Variants in TNFSF11 observed in about 807,000 individuals in gnomAD.
TNFSF11 encodes the protein TNF superfamily member 11.
In TNFSF11, 12 loss-of-function variants were observed where a neutral mutation model predicts 32.2. The ratio of observed to expected loss-of-function variants is 0.37; its 90% CI spans 0.24 to 0.60. The LOEUF (loss-of-function observed/expected upper bound fraction) is 0.60. TNFSF11 is among the 20% of genes least tolerant of loss of function. The pLI is 0.66. For missense variants in TNFSF11, 345 were observed against 398.0 expected (o/e 0.87, Z 1.13); for synonymous variants, 172 against 152.1 (o/e 1.13, Z -0.96).
intron 2 of TNFSF11, among the ~76,000 whole-genome samples, chr13:42,569,097 G>A (rs879939658): frequency 4.6e-5 from 7 of 152,126 alleles, no homozygotes; most frequent in Admixed American, 2.0e-4. Flanking sequence ...CCTCCGCCAC[G>A]AAGGAATCCA....
At chr13:42,602,315 A>G (rs939789289) in intron 4 of TNFSF11, among the ~76,000 whole-genome samples, 1 of 152,226 alleles carries the variant, frequency 6.6e-6, no homozygotes, top group Non-Finnish European at 1.5e-5. Flanking sequence ...CGGCCATAGT[A>G]AGCACTTGGG....
In TNFSF11 at chr13:42,574,210, C is replaced by T. The variant is rs199818393; in HGVS notation, c.-94C>T. The T allele has an allele frequency of 3.7e-3, 5,513 of 1,489,058 alleles. 20 individuals are homozygous for T. The highest frequency in any genetic ancestry group is 5.0e-3 in the Middle Eastern group (21 of 4,216). The allele number at this position is 1,489,058 out of a possible 1,614,324, so 92.2% of individuals were successfully genotyped here. A position where few individuals can be genotyped will look rare whatever the true frequency, so the allele number is the denominator to read the frequency against. On this transcript the variant is annotated 5_prime_UTR_variant, in exon 1 of 5. Coordinates refer to ENST00000398795, the MANE Select transcript of TNFSF11 (RefSeq NM_003701.4). ...CGGGCTCCAAGTCGGCGCCCCACGT[C>T]GAGGCTCCGCCGCAGCCTCCGGAGT...
At position 42,607,039 on chromosome 13, in the gene TNFSF11, A is replaced by C. The variant is rs1293851977; in HGVS notation, c.*121A>C. ...AGAGGCATGGCCCCAACGGTACACG[A>C]CTCAGTATCCATGCTCTTGACCTTG... On this transcript the variant is annotated 3_prime_UTR_variant, in exon 5 of 5. Transcript: ENST00000398795. 6.4e-6 allele frequency: 8 copies of C among 1,252,236 alleles called. No homozygotes were observed. The highest frequency in any genetic ancestry group is 9.1e-6 in the Non-Finnish European group (8 of 879,490). 77.6% of individuals were successfully genotyped at this position (1,252,236 alleles called of 1,614,324 possible). A position where few individuals can be genotyped will look rare whatever the true frequency, so the allele number is the denominator to read the frequency against.
At chr13:42,597,336 T>A (rs1417713043) in intron 2 of TNFSF11, among the ~76,000 whole-genome samples, 6 of 99,918 alleles carry the variant, frequency 6.0e-5, no homozygotes, top group Non-Finnish European at 7.7e-5. Context: ...TGAAGCCTTT[T>A]GTTCTTTTTT....
chr13:42,585,329 A>AAT (rs1487673113), intron 2 of TNFSF11, among the ~76,000 whole-genome samples: 2 of 152,214 alleles, frequency 1.3e-5, no homozygotes, highest in Non-Finnish European at 2.9e-5. Flanking sequence ...TTGGGAGATC[A>AAT]ACCCCTCCAG....
At chr13:42,602,829 A>G (rs1869250895) in intron 4 of TNFSF11, among the ~76,000 whole-genome samples, 1 of 152,228 alleles carries the variant, frequency 6.6e-6, no homozygotes, top group Non-Finnish European at 1.5e-5. Flanking sequence ...TAAATGGCAT[A>G]TGATAAATAT....
chr13:42,602,214 T>G (rs1306517787), intron 4 of TNFSF11, among the ~76,000 whole-genome samples: 1 of 152,184 alleles, frequency 6.6e-6, no homozygotes, highest in African/African-American at 2.4e-5. Flanking sequence ...AGCTTCATCA[T>G]GTCTAAAATG....
intron 1 of TNFSF11, among the ~76,000 whole-genome samples, chr13:42,576,722 G>A (rs1274298797): frequency 1.3e-5 from 2 of 152,146 alleles, no homozygotes; most frequent in Non-Finnish European, 2.9e-5. Context: ...TGGATATTGT[G>A]TCTACAATTG....
intron 2 of TNFSF11, among the ~76,000 whole-genome samples, chr13:42,568,506 A>G (rs1012712981): frequency 6.6e-6 from 1 of 152,276 alleles, no homozygotes; most frequent in South Asian, 2.1e-4. Context: ...TTAATTTGTC[A>G]TCACATACTA....
intron 2 of TNFSF11, among the ~76,000 whole-genome samples, chr13:42,599,349 C>CTATCTATCATCTATCTATCTATCTATCT (rs11385072): frequency 1.8e-5 from 2 of 112,186 alleles, no homozygotes; most frequent in African/African-American, 3.5e-5. Flanking sequence ...ATCTATCTAT[C>CTATCTATCATCTATCTATCTATCTATCT]ATCTATCTAT....
At chr13:42,574,009 A>C, upstream of TNFSF11, 1 of 469,320 alleles carries the variant, frequency 2.1e-6, no homozygotes. Context: ...CTTCAGTGAC[A>C]GAGATTGAGA....
chr13:42,590,379 G>A (rs1421928439), intron 2 of TNFSF11, among the ~76,000 whole-genome samples: 4 of 152,204 alleles, frequency 2.6e-5, no homozygotes, highest in Middle Eastern at 3.2e-3. Flanking sequence ...TCTTTGGAGC[G>A]TGAACACGTT....
intron 2 of TNFSF11, among the ~76,000 whole-genome samples, chr13:42,591,983 TTCC>T (rs1868506121): frequency 6.6e-6 from 1 of 152,190 alleles, no homozygotes; most frequent in Non-Finnish European, 1.5e-5. Context: ...CAGAGCCTCC[TTCC>T]AGGTGATGAG....
At chr13:42,604,364 G>T (rs1594482345) in intron 4 of TNFSF11, among the ~76,000 whole-genome samples, 1 of 152,184 alleles carries the variant, frequency 6.6e-6, no homozygotes, top group Non-Finnish European at 1.5e-5. Context: ...TTTAATCTGG[G>T]ATGACCTGAA....
chr13:42,590,637 A>G (rs759502115), intron 2 of TNFSF11, among the ~76,000 whole-genome samples: 1 of 152,232 alleles, frequency 6.6e-6, no homozygotes, highest in Non-Finnish European at 1.5e-5. Context: ...AAATAGCACA[A>G]TTAGCCCAAG....
chr13:42,607,760 A>G lies in TNFSF11; in HGVS notation c.*842A>G, dbSNP rs1286800698. The G allele has an allele frequency of 6.5e-6, 1 of 152,782 alleles. No individual in the cohort carries two copies. Among genetic ancestry groups the G allele is most frequent in the African/African-American group, 2.4e-5 (1 of 41,464 alleles). The allele number at this position is 152,782 out of a possible 1,614,324, so 9.5% of individuals were successfully genotyped here. On this transcript the variant is annotated 3_prime_UTR_variant, in exon 5 of 5. Transcript: ENST00000398795. ...GAAACTAATTGACTTTAGAAAGCTGACATTGCCAAAAAGGATACATAATGG... is the reference window on the plus strand; with the variant it reads ...GAAACTAATTGACTTTAGAAAGCTGGCATTGCCAAAAAGGATACATAATGG...
In TNFSF11 at chr13:42,581,108, A is replaced by C; in HGVS notation, c.220-18A>C. 6.2e-7 allele frequency: 1 copy of C among 1,613,868 alleles called. No homozygotes were observed. The highest frequency in any genetic ancestry group is 8.5e-7 in the Non-Finnish European group (1 of 1,179,786). ...TAGTGATAAGCACTCTAACGTCCTT[A>C]CTGTTTCTCCTCCTCAGATGGATCC... On this transcript the variant is annotated intron_variant, in intron 1 of 4. Transcript: ENST00000398795.
At chr13:42,577,216 T>A (rs1351862219) in intron 1 of TNFSF11, among the ~76,000 whole-genome samples, 1 of 152,224 alleles carries the variant, frequency 6.6e-6, no homozygotes, top group Non-Finnish European at 1.5e-5. Flanking sequence ...ATGCAAGTCC[T>A]CAAGGAAAAG....
At chr13:42,568,722 A>G (rs1872954451) in intron 2 of TNFSF11, among the ~76,000 whole-genome samples, 1 of 152,214 alleles carries the variant, frequency 6.6e-6, no homozygotes, top group South Asian at 2.1e-4. Flanking sequence ...AGAGGTGGCA[A>G]GTACAAAAGA....
Sources: gnomAD v4.1 joint callset for allele counts (sites outside exome capture counted in the v4.1 genomes callset) on GRCh38, gnomAD v4.1.1 for gene constraint, MANE v1.5 for transcripts, NCBI Gene and HGNC (gene_info 2026-07-23, HGNC 2026-07-21) for gene names.